ITGA8: variants seen among roughly 807,000 people sequenced by gnomAD.
The protein encoded by ITGA8 is integrin subunit alpha 8.
Under a neutral mutation model 142.3 loss-of-function variants are expected in ITGA8, and 91 were observed. The observed-to-expected ratio is 0.64, with a 90% confidence interval of 0.54 to 0.76. ITGA8 has a LOEUF of 0.76. ITGA8 is among the 30% of genes least tolerant of loss of function. The pLI is 0.00. For synonymous variants in ITGA8, 505 were observed against 485.2 expected, an observed-to-expected ratio of 1.04 and a Z score of -0.54; for missense variants, 1,406 against 1,327.7, an observed-to-expected ratio of 1.06 and a Z score of -0.92.
At chr10:15,652,248 G>A (rs1276455380) in intron 11 of ITGA8, among the ~76,000 whole-genome samples, 2 of 152,170 alleles carry the variant, frequency 1.3e-5, no homozygotes, top group African/African-American at 2.4e-5. Flanking sequence ...ACTAGAATGC[G>A]CATGTTTCCA....
chr10:15,655,577 C>A (rs1401618167), intron 10 of ITGA8, among the ~76,000 whole-genome samples, 171 bp from the exon 11 acceptor site: 1 of 152,066 alleles, frequency 6.6e-6, no homozygotes, highest in East Asian at 1.9e-4. Context: ...AACCCCTGAC[C>A]CAGTGAATAA....
chr10:15,680,216 C>CTTTTTTTTTTTTTTTT (rs71374638), intron 4 of ITGA8, among the ~76,000 whole-genome samples: 4 of 54,230 alleles, frequency 7.4e-5, no homozygotes, highest in African/African-American at 3.3e-4. Flanking sequence ...CCAGATGCTC[C>CTTTTTTTTTTTTTTTT]TTTTTTTTTT....
intron 23 of ITGA8, among the ~76,000 whole-genome samples, chr10:15,583,216 A>T (rs967225371): frequency 5.3e-5 from 8 of 152,222 alleles, no homozygotes; most frequent in African/African-American, 1.9e-4. Context: ...TTTTGCAGGG[A>T]CATGGATGAA....
chr10:15,706,438 A>T (rs1261889132), intron 2 of ITGA8, among the ~76,000 whole-genome samples: 1 of 151,988 alleles, frequency 6.6e-6, no homozygotes, highest in African/African-American at 2.4e-5. Flanking sequence ...TTTTTCAACA[A>T]AATCTAAGCT....
At chr10:15,539,803 C>T (rs941610936) in intron 27 of ITGA8, among the ~76,000 whole-genome samples, 3 of 152,122 alleles carry the variant, frequency 2.0e-5, no homozygotes, top group African/African-American at 7.2e-5. Context: ...GGGAACATTA[C>T]TGATATGATT....
chr10:15,527,906 CTTTTTTTTTTTT>C (rs34758919), intron 28 of ITGA8, among the ~76,000 whole-genome samples: 6 of 78,036 alleles, frequency 7.7e-5, no homozygotes, highest in East Asian at 4.6e-4. Flanking sequence ...TTCGGCTGGG[CTTTTTTTTTTTT>C]TTTTTTTTTT....
At chr10:15,649,475 C>A (rs544944710) in intron 11 of ITGA8, among the ~76,000 whole-genome samples, 8 of 151,710 alleles carry the variant, frequency 5.3e-5, no homozygotes, top group Non-Finnish European at 1.0e-4. Context: ...ACTAAAAATA[C>A]AAAAATTAGC....
chr10:15,518,827 T>A (rs147640462), intron 29 of ITGA8, among the ~76,000 whole-genome samples: 1 of 152,338 alleles, frequency 6.6e-6, no homozygotes, highest in Non-Finnish European at 1.5e-5. Context: ...GCCTCATTAG[T>A]AGTTGAAATT....
At chr10:15,688,104 A>C (rs1014177991) in intron 2 of ITGA8, 66 bp from the exon 3 acceptor site, 3 of 1,038,152 alleles carry the variant, frequency 2.9e-6, no homozygotes, top group South Asian at 1.3e-5. Flanking sequence ...ACACATAATA[A>C]ATTTGTACAT....
At chr10:15,552,243 TCTC>T (rs1428688727) in intron 26 of ITGA8, among the ~76,000 whole-genome samples, 1 of 152,012 alleles carries the variant, frequency 6.6e-6, no homozygotes, top group Non-Finnish European at 1.5e-5. Context: ...TTCACGCCAT[TCTC>T]CTGCCTCAGC....
chr10:15,627,780 C>T (rs1383306383), intron 13 of ITGA8, among the ~76,000 whole-genome samples: 1 of 152,096 alleles, frequency 6.6e-6, no homozygotes, highest in Admixed American at 6.5e-5. Flanking sequence ...AGAGCAACTC[C>T]ATCTTGAATA....
At chr10:15,536,363 T>A (rs988298225) in intron 27 of ITGA8, among the ~76,000 whole-genome samples, 1 of 152,160 alleles carries the variant, frequency 6.6e-6, no homozygotes, top group African/African-American at 2.4e-5. Context: ...CGTGGTTTAT[T>A]AGACTGATCA....
At chr10:15,530,360 A>C (rs565310871) in intron 28 of ITGA8, among the ~76,000 whole-genome samples, 1 of 152,058 alleles carries the variant, frequency 6.6e-6, no homozygotes, top group Non-Finnish European at 1.5e-5. Flanking sequence ...AGCCTGGCCA[A>C]CATGGTGAAA....
intron 5 of ITGA8, 53 bp downstream of exon 5, chr10:15,678,669 G>A (rs537275090): frequency 4.8e-6 from 6 of 1,249,200 alleles, no homozygotes; most frequent in Non-Finnish European, 7.0e-6. Context: ...AGAGGCAGAG[G>A]GTAAAAAAAA....
chr10:15,625,755 G>A (rs868602969), intron 13 of ITGA8, among the ~76,000 whole-genome samples: 3 of 152,330 alleles, frequency 2.0e-5, no homozygotes, highest in Middle Eastern at 3.4e-3. Flanking sequence ...GACTATATTA[G>A]GAGATAGTGA....
intron 8 of ITGA8, among the ~76,000 whole-genome samples, chr10:15,664,911 A>G (rs532609417): frequency 2.4e-4 from 36 of 152,170 alleles, no homozygotes; most frequent in African/African-American, 8.2e-4. Context: ...AATCCAGTCT[A>G]TCATTGTAGG....
chr10:15,672,017 T>A (rs1360082217), intron 7 of ITGA8, among the ~76,000 whole-genome samples: 4 of 152,130 alleles, frequency 2.6e-5, no homozygotes, highest in Non-Finnish European at 5.9e-5. Context: ...GACAGAATAC[T>A]CTGAAAGATT....
chr10:15,698,290 C>A (rs1835095176), intron 2 of ITGA8, among the ~76,000 whole-genome samples: 1 of 152,096 alleles, frequency 6.6e-6, no homozygotes, highest in Non-Finnish European at 1.5e-5. Context: ...ATATACCATA[C>A]TTTCTTGATC....
At chr10:15,675,732 C>T (rs1297993394) in intron 6 of ITGA8, among the ~76,000 whole-genome samples, 3 of 152,192 alleles carry the variant, frequency 2.0e-5, no homozygotes, top group Non-Finnish European at 4.4e-5. Context: ...CAAACAACAT[C>T]TTCTTACTCT....
Sources: gnomAD v4.1 joint callset for allele counts (sites outside exome capture counted in the v4.1 genomes callset) on GRCh38, gnomAD v4.1.1 for gene constraint, MANE v1.5 for transcripts, NCBI Gene and HGNC (gene_info 2026-07-23, HGNC 2026-07-21) for gene names.